Variants in RPS6KC1 observed in about 807,000 individuals in gnomAD.
The protein encoded by RPS6KC1 is ribosomal protein S6 kinase C1.
In RPS6KC1, 54 loss-of-function variants were observed where a neutral mutation model predicts 103.8. The ratio of observed to expected loss-of-function variants is 0.52; its 90% CI spans 0.42 to 0.65. The LOEUF is 0.65. Among genes scored for constraint, RPS6KC1 ranks in the 30% least tolerant of loss-of-function variants. RPS6KC1 has a pLI of 0.00. For synonymous variants in RPS6KC1, 439 were observed against 438.7 expected (o/e 1.00, Z -0.01); for missense variants, 1,151 against 1,253.8 (o/e 0.92, Z 1.24).
the RPS6KC1 span, among the ~76,000 whole-genome samples, chr1:213,708,068 T>C: frequency 6.6e-6 from 1 of 152,214 alleles, no homozygotes; most frequent in Non-Finnish European, 1.5e-5. Flanking sequence ...GTTTTTCCAA[T>C]TCTGTGAAGA....
chr1:213,326,991 C>T, the RPS6KC1 span, among the ~76,000 whole-genome samples: 1 of 151,556 alleles, frequency 6.6e-6, no homozygotes, highest in Non-Finnish European at 1.5e-5. Context: ...AGATCATATC[C>T]ATTTAGTCTG....
chr1:213,252,070 C>CA (rs1292672935), intron 12 of RPS6KC1, among the ~76,000 whole-genome samples: 1 of 152,148 alleles, frequency 6.6e-6, no homozygotes, highest in Non-Finnish European at 1.5e-5. Flanking sequence ...TTGTTGGATA[C>CA]AAAAAATGCT....
intron 5 of RPS6KC1, among the ~76,000 whole-genome samples, chr1:213,126,571 A>T (rs982879029): frequency 4.6e-5 from 7 of 152,118 alleles, no homozygotes; most frequent in Admixed American, 4.6e-4. Flanking sequence ...GGCAATTTGA[A>T]TTTAAAATAG....
intron 5 of RPS6KC1, among the ~76,000 whole-genome samples, chr1:213,127,195 T>C (rs2085080969): frequency 6.6e-6 from 1 of 152,198 alleles, no homozygotes; most frequent in African/African-American, 2.4e-5. Flanking sequence ...GTTTTGATAA[T>C]AATGCCAGGA....
At chr1:213,742,900 G>A in the RPS6KC1 span, among the ~76,000 whole-genome samples, 1 of 152,248 alleles carries the variant, frequency 6.6e-6, no homozygotes, top group Non-Finnish European at 1.5e-5. Context: ...TGGGGAGGCT[G>A]CAGAGAAACG....
the RPS6KC1 span, among the ~76,000 whole-genome samples, chr1:213,623,090 A>G: frequency 6.6e-6 from 1 of 152,106 alleles, no homozygotes; most frequent in Non-Finnish European, 1.5e-5. Flanking sequence ...TCTAGGCCCC[A>G]TCTCTGTGGC....
At chr1:213,786,708 T>C in the RPS6KC1 span, among the ~76,000 whole-genome samples, 1 of 152,226 alleles carries the variant, frequency 6.6e-6, no homozygotes, top group Non-Finnish European at 1.5e-5. Context: ...TCCCAGGCTT[T>C]GCAGACATGG....
At chr1:213,344,183 A>G in the RPS6KC1 span, among the ~76,000 whole-genome samples, 2 of 152,196 alleles carry the variant, frequency 1.3e-5, no homozygotes, top group Non-Finnish European at 2.9e-5. Context: ...TCAGGAACAA[A>G]TCCCAGTCTG....
At chr1:213,135,065 A>T (rs1181027170) in intron 6 of RPS6KC1, among the ~76,000 whole-genome samples, 3 of 152,136 alleles carry the variant, frequency 2.0e-5, no homozygotes, top group African/African-American at 7.2e-5. Flanking sequence ...TTGGTTTTTC[A>T]TAGACGCCCT....
chr1:213,221,791 GA>G (rs1025322013), intron 8 of RPS6KC1, among the ~76,000 whole-genome samples: 16 of 152,120 alleles, frequency 1.1e-4, no homozygotes, highest in African/African-American at 3.6e-4. Context: ...TACATAAATT[GA>G]AATATAGGTT....
the RPS6KC1 span, among the ~76,000 whole-genome samples, chr1:213,417,636 G>A: frequency 6.6e-6 from 1 of 152,012 alleles, no homozygotes; most frequent in African/African-American, 2.4e-5. Context: ...AAATGGGGTC[G>A]GGGATGGGGG....
chr1:213,131,953 G>A (rs906612290), intron 6 of RPS6KC1, among the ~76,000 whole-genome samples: 5 of 152,204 alleles, frequency 3.3e-5, no homozygotes, highest in African/African-American at 1.2e-4. Flanking sequence ...AAACACATCA[G>A]TGTGGTCAGT....
the RPS6KC1 span, among the ~76,000 whole-genome samples, chr1:213,364,472 G>T: frequency 2.6e-5 from 4 of 152,180 alleles, no homozygotes; most frequent in Admixed American, 6.5e-5. Context: ...TGTGGTTGTG[G>T]TTGTTGTTGG....
intron 5 of RPS6KC1, among the ~76,000 whole-genome samples, chr1:213,120,408 A>G (rs1219806042): frequency 6.6e-6 from 1 of 152,222 alleles, no homozygotes; most frequent in African/African-American, 2.4e-5. Flanking sequence ...TTGAGAGGGA[A>G]AATGGCTTTT....
the RPS6KC1 span, among the ~76,000 whole-genome samples, chr1:213,503,419 TGTG>T: frequency 1.3e-5 from 2 of 152,176 alleles, no homozygotes; most frequent in African/African-American, 4.8e-5. Context: ...GGAGTGATCA[TGTG>T]GTGCCAAGCA....
chr1:213,755,178 A>T, the RPS6KC1 span, among the ~76,000 whole-genome samples: 1 of 152,210 alleles, frequency 6.6e-6, no homozygotes, highest in South Asian at 2.1e-4. Context: ...GGCATGACCA[A>T]GCTAGCCTCT....
chr1:213,097,008 T>G, intron 3 of RPS6KC1, among the ~76,000 whole-genome samples: 1 of 152,188 alleles, frequency 6.6e-6, no homozygotes, highest in East Asian at 1.9e-4. Flanking sequence ...TTAATCTCCT[T>G]GTACATCTCC....
chr1:213,463,413 T>A, the RPS6KC1 span, among the ~76,000 whole-genome samples: 2 of 152,200 alleles, frequency 1.3e-5, no homozygotes, highest in Non-Finnish European at 2.9e-5. Flanking sequence ...TTAAACTTTC[T>A]ATTTGAGATA....
the RPS6KC1 span, among the ~76,000 whole-genome samples, chr1:213,342,158 C>G: frequency 6.6e-6 from 1 of 152,168 alleles, no homozygotes; most frequent in African/African-American, 2.4e-5. Context: ...AAGGGTGAGT[C>G]AGATTCCAGC....
Sources: gnomAD v4.1 joint callset for allele counts (sites outside exome capture counted in the v4.1 genomes callset) on GRCh38, gnomAD v4.1.1 for gene constraint, MANE v1.5 for transcripts, NCBI Gene and HGNC (gene_info 2026-07-23, HGNC 2026-07-21) for gene names.